Variants in ACAD9 observed in about 807,000 individuals in gnomAD.
ACAD9 encodes complex I assembly factor ACAD9, mitochondrial.
A neutral mutation model predicts 70.2 loss-of-function variants in ACAD9; 53 were observed. The observed-to-expected ratio is 0.75, with a 90% CI of 0.61 to 0.95. The LOEUF is 0.95. Among genes scored for constraint, ACAD9 ranks in the 40% least tolerant of loss-of-function variants. The pLI is 0.00. For synonymous variants in ACAD9, 313 were observed against 312.1 expected (o/e 1.00, Z -0.03); for missense variants, 777 against 802.8 (o/e 0.97, Z 0.39).
Position 128,899,417 on chromosome 3 carries a change from C to T in ACAD9, c.764C>T (p.Thr255Ile), listed in dbSNP as rs559558405. 2.5e-6 allele frequency: 4 copies of T among 1,614,210 alleles called. No homozygotes were observed. The East Asian group carries it at 8.9e-5, about 36-fold the overall frequency. The change falls in exon 7 of 18, where the codon ACT (threonine) becomes ATT (isoleucine). Residue 255 changes from threonine to isoleucine, a missense_variant. Transcript: ENST00000308982. ...FIVERDFGGV[T>I]NGKPEDKLGI... ...GTAGAAAGAGACTTTGGTGGAGTCA[C>T]TAATGGGAAACCCGAAGATAAATTA...
chr3:128,890,843 A>ATT (rs552712853), intron 2 of ACAD9, among the ~76,000 whole-genome samples: 2,866 of 143,488 alleles, frequency 0.02, 102 homozygotes, highest in African/African-American at 0.069. Context: ...TTTTAGAGCA[A>ATT]TTTTTTTTTT....
intron 6 of ACAD9, 45 bp downstream of exon 6, chr3:128,897,755 C>T (rs933138739): frequency 6.4e-7 from 1 of 1,554,886 alleles, no homozygotes; most frequent in African/African-American, 1.4e-5. Flanking sequence ...CAGTCACAAC[C>T]TTCACTGCCA....
At chr3:128,906,085 C>A in intron 11 of ACAD9, 36 bp from the exon 12 acceptor site, 1 of 1,614,002 alleles carries the variant, frequency 6.2e-7, no homozygotes. Flanking sequence ...AGCGTAGGTC[C>A]TCCTTTTGGA....
At chr3:128,898,338 T>A (rs2107652913) in intron 6 of ACAD9, 1 of 429,112 alleles carries the variant, frequency 2.3e-6, no homozygotes, top group South Asian at 1.7e-5. Context: ...GACAGGAGTT[T>A]TTTTTGTTTG....
intron 14 of ACAD9, 111 bp downstream of exon 14, chr3:128,909,210 G>T: frequency 1.3e-6 from 2 of 1,596,862 alleles, no homozygotes; most frequent in Non-Finnish European, 1.7e-6. Flanking sequence ...GGGAAGTTGG[G>T]GAACACCAGC....
chr3:128,887,698 C>G (rs1935296025), intron 2 of ACAD9, among the ~76,000 whole-genome samples: 1 of 149,766 alleles, frequency 6.7e-6, no homozygotes, highest in African/African-American at 2.5e-5. Context: ...CAAACCCACT[C>G]CCTCTCACAG....
At chr3:128,909,883 TG>T in intron 15 of ACAD9, 137 bp from the exon 16 acceptor site, 1 of 1,240,906 alleles carries the variant, frequency 8.1e-7, no homozygotes. Context: ...TCCCACAACC[TG>T]AAGAGAAAGG....
chr3:128,901,424 T>C (rs1559826689), intron 8 of ACAD9, 75 bp downstream of exon 8: 2 of 1,512,270 alleles, frequency 1.3e-6, no homozygotes, highest in African/African-American at 2.7e-5. Context: ...TTTTGCCCTA[T>C]CCCTGCTCGT....
intron 6 of ACAD9, among the ~76,000 whole-genome samples, chr3:128,898,154 G>A (rs542353631): frequency 2.0e-5 from 3 of 151,688 alleles, no homozygotes; most frequent in East Asian, 3.9e-4. Flanking sequence ...CACTGTGCCC[G>A]GCTTGTAAAC....
In ACAD9 at chr3:128,902,348, T is replaced by G. The variant is rs1047896343; in HGVS notation, c.883-205T>G. On this transcript the variant is annotated intron_variant, in intron 8 of 17. Coordinates refer to ENST00000308982, the MANE Select transcript of ACAD9 (RefSeq NM_014049.5). The surrounding 1 kb of genome is among the most constrained non-coding windows in gnomAD (Gnocchi z 4.0). ...GCCACCATGCCCAGCTCTGGCATGG[T>G]CCTTTGGAATAACGTTCAGTGGTCT... 1.3e-5 allele frequency among the ~76,000 whole-genome samples: 2 copies of G among 152,138 alleles called. No individual in the cohort carries two copies. The highest frequency in any genetic ancestry group is 2.4e-5 in the African/African-American group (1 of 41,428).
rs373541518 is a variant in ACAD9 at position 128,912,434 on chromosome 3, G to A, written c.1766-73G>A. 6.5e-6 allele frequency: 9 copies of A among 1,381,392 alleles called. No homozygotes were observed. The African/African-American group carries it at 1.3e-4, about 20-fold the overall frequency. 85.6% of individuals were successfully genotyped at this position (1,381,392 alleles called of 1,614,324 possible). A position where few individuals can be genotyped will look rare whatever the true frequency, so the allele number is the denominator to read the frequency against. On this transcript the variant is annotated intron_variant, in intron 17 of 17. Transcript: ENST00000308982. ...GGGTGGGCTGACTTTGTGGAAAAAT[G>A]CCCCCACTTCAGCCATGTTTGTCTT...
In ACAD9 at chr3:128,896,349, T is replaced by C. The variant is rs1428462144; in HGVS notation, c.454-87T>C. On this transcript the variant is annotated intron_variant, in intron 4 of 17. Coordinates refer to ENST00000308982, the MANE Select transcript of ACAD9 (RefSeq NM_014049.5). ...TGTCTTCTCTTGCCCGAAGTAAATA[T>C]TTGCCTCAGAAAGGAAATGTTTCAC... 3 of 1,370,596 alleles carry C rather than the reference T, an allele frequency of 2.2e-6. No individual in the cohort carries two copies. In the African/African-American group the frequency reaches 4.3e-5, roughly 20 times the overall value. 84.9% of individuals were successfully genotyped at this position (1,370,596 alleles called of 1,614,324 possible).
At chr3:128,894,700 G>A (rs1156444830) in intron 3 of ACAD9, among the ~76,000 whole-genome samples, 1 of 151,648 alleles carries the variant, frequency 6.6e-6, no homozygotes, top group Admixed American at 6.6e-5. Flanking sequence ...CATGCCTGGT[G>A]AATTTTTTTT....
At chr3:128,883,190 G>A (rs1381910157) in intron 1 of ACAD9, among the ~76,000 whole-genome samples, 1 of 151,518 alleles carries the variant, frequency 6.6e-6, no homozygotes, top group African/African-American at 2.4e-5. Context: ...CCCAGGCTCA[G>A]GGGATCCTCC....
intron 2 of ACAD9, among the ~76,000 whole-genome samples, chr3:128,892,837 C>T (rs927835777): frequency 2.6e-5 from 4 of 152,130 alleles, no homozygotes; most frequent in African/African-American, 9.7e-5. Context: ...AATTCTGAGA[C>T]TTGCATATTT....
At position 128,909,836 on chromosome 3, in the gene ACAD9, AAG is replaced by A. The variant is rs1005994797; in HGVS notation, c.1564-181_1564-180del. 41 of 829,326 alleles carry A rather than the reference AAG, an allele frequency of 4.9e-5. No individual in the cohort carries two copies. In the African/African-American group the frequency reaches 6.3e-4, roughly 13 times the overall value. The allele number at this position is 829,326 out of a possible 1,614,324, so 51.4% of individuals were successfully genotyped here. Reference sequence around the variant, plus strand: ...AACCCCTCCCTGAATCTAGAGCTCAAAGAGAAGGGAAAACAGAAGGTGGCTGG... The same window carrying A: ...AACCCCTCCCTGAATCTAGAGCTCAAAGAAGGGAAAACAGAAGGTGGCTGG... On this transcript the variant is annotated intron_variant, in intron 15 of 17. Transcript: ENST00000308982.
Position 128,908,298 on chromosome 3 carries a change from C to G in ACAD9, c.1358+34C>G, listed in dbSNP as rs372898107. 6 of 1,610,186 alleles carry G rather than the reference C, an allele frequency of 3.7e-6. No individual in the cohort carries two copies. In the African/African-American group the frequency reaches 8.0e-5, roughly 22 times the overall value. On this transcript the variant is annotated intron_variant, in intron 13 of 17. Coordinates refer to ENST00000308982, the MANE Select transcript of ACAD9 (RefSeq NM_014049.5). The stretch of plus-strand genomic sequence containing the variant: ...CATTGTCACCGTGTGCTTCTCAGGT[C>G]CCATACCTGCCCAGCAGGGGCCAGT...
intron 1 of ACAD9, among the ~76,000 whole-genome samples, chr3:128,882,042 C>T (rs36120249): frequency 6.6e-6 from 1 of 152,004 alleles, no homozygotes; most frequent in Non-Finnish European, 1.5e-5. Flanking sequence ...GAGTTGGGGG[C>T]TTTCTCTGTC....
chr3:128,880,042 CCCTTGGAA>C, intron 1 of ACAD9: 1 of 1,532,840 alleles, frequency 6.5e-7, no homozygotes, highest in Non-Finnish European at 8.8e-7. Flanking sequence ...AGACGGGGGA[CCCTTGGAA>C]ATGTGGTGGT....
Sources: gnomAD v4.1 joint callset for allele counts (sites outside exome capture counted in the v4.1 genomes callset) on GRCh38, gnomAD v4.1.1 for gene constraint, Gnocchi (gnomAD v3.1) non-coding constraint, MANE v1.5 for transcripts, NCBI Gene and HGNC (gene_info 2026-07-23, HGNC 2026-07-21) for gene names.